Variants in SUPT3H observed in about 807,000 individuals in gnomAD.
SUPT3H encodes the protein SPT3 homolog, SAGA and STAGA complex component, also known as transcription initiation protein SPT3 homolog.
A neutral mutation model predicts 44.3 loss-of-function variants in SUPT3H; 44 were observed. That is an observed-to-expected ratio of 0.99 (90% CI 0.78 to 1.28). The LOEUF is 1.28. Among genes scored for constraint, SUPT3H ranks in the 50% most tolerant of loss-of-function variants. The probability of loss-of-function intolerance (pLI) is 0.00; values close to 1 mark genes in which losing one functional copy is unlikely to be tolerated. For missense variants in SUPT3H, 380 were observed against 387.1 expected (o/e 0.98, Z 0.15); for synonymous variants, 124 against 125.6 (o/e 0.99, Z 0.09).
At chr6:44,830,004 C>T in intron 10 of SUPT3H, 147 bp from the exon 11 acceptor site, 1 of 687,142 alleles carries the variant, frequency 1.5e-6, no homozygotes. Flanking sequence ...TTTCTGGTGG[C>T]AAAACTATAG....
intron 2 of SUPT3H, among the ~76,000 whole-genome samples, chr6:45,149,758 A>G (rs1806621980): frequency 1.3e-5 from 2 of 152,256 alleles, no homozygotes; most frequent in South Asian, 4.1e-4. Flanking sequence ...TGGACAAAAA[A>G]ACTTTAAAAA....
intron 2 of SUPT3H, chr6:45,328,578 C>A: frequency 1.3e-6 from 2 of 1,578,946 alleles, no homozygotes; most frequent in South Asian, 2.3e-5. Flanking sequence ...AATTTCTTGA[C>A]AGAAAAAAAT....
intron 10 of SUPT3H, among the ~76,000 whole-genome samples, chr6:44,834,124 G>C (rs771975888): frequency 6.6e-6 from 1 of 152,136 alleles, no homozygotes; most frequent in Non-Finnish European, 1.5e-5. Flanking sequence ...ATTAGGCTTT[G>C]GAATGTCTTA....
intron 11 of SUPT3H, among the ~76,000 whole-genome samples, chr6:44,811,362 A>G (rs1288696766): frequency 6.6e-6 from 1 of 152,218 alleles, no homozygotes; most frequent in Non-Finnish European, 1.5e-5. Flanking sequence ...AGCATGCATC[A>G]TGTTAGGTGG....
chr6:44,837,328 G>A (rs1198056449), intron 10 of SUPT3H, among the ~76,000 whole-genome samples: 1 of 152,168 alleles, frequency 6.6e-6, no homozygotes, highest in African/African-American at 2.4e-5. Flanking sequence ...ATAACCCAAT[G>A]CATGAAATAA....
intron 9 of SUPT3H, among the ~76,000 whole-genome samples, chr6:44,948,824 A>T (rs985405717): frequency 6.6e-5 from 10 of 152,184 alleles, no homozygotes; most frequent in Non-Finnish European, 1.2e-4. Flanking sequence ...ATTGTGGAAG[A>T]CAGTGTGGTG....
At chr6:45,346,570 T>TC (rs1290241029) in intron 2 of SUPT3H, among the ~76,000 whole-genome samples, 2 of 150,854 alleles carry the variant, frequency 1.3e-5, no homozygotes, top group African/African-American at 4.9e-5. Context: ...AACATTTCTT[T>TC]TTTTTTTTTT....
intron 10 of SUPT3H, among the ~76,000 whole-genome samples, chr6:44,886,819 T>C (rs535398341): frequency 2.6e-5 from 4 of 152,098 alleles, no homozygotes; most frequent in Non-Finnish European, 4.4e-5. Context: ...AGACACAGAC[T>C]GGCAAATTGG....
At chr6:45,327,747 C>T (rs1786609311) in intron 2 of SUPT3H, among the ~76,000 whole-genome samples, 1 of 147,242 alleles carries the variant, frequency 6.8e-6, no homozygotes, top group Non-Finnish European at 1.5e-5. Context: ...TTTTTTTTTA[C>T]AATGAGTTAC....
intron 2 of SUPT3H, among the ~76,000 whole-genome samples, chr6:45,341,758 C>T (rs1027649939): frequency 6.6e-6 from 1 of 152,104 alleles, no homozygotes; most frequent in Non-Finnish European, 1.5e-5. Flanking sequence ...TTCTGGTACC[C>T]TATCTGGCAA....
intron 2 of SUPT3H, among the ~76,000 whole-genome samples, chr6:45,141,375 A>G (rs71566521): frequency 6.7e-6 from 1 of 148,544 alleles, no homozygotes; most frequent in Non-Finnish European, 1.5e-5. Flanking sequence ...AAAAGAATTC[A>G]GAAGGTTGAT....
chr6:45,188,636 C>A (rs1737301744), intron 2 of SUPT3H, among the ~76,000 whole-genome samples: 1 of 152,052 alleles, frequency 6.6e-6, no homozygotes, highest in African/African-American at 2.4e-5. Flanking sequence ...ATTTGTAAAT[C>A]AATCAATGTA....
At position 45,176,639 on chromosome 6, in the gene SUPT3H, AAGAC is replaced by A. The variant is rs1476380486; in HGVS notation, c.102-70637_102-70634del. On this transcript the variant is annotated intron_variant, in intron 2 of 10. Transcript: ENST00000371459. ...TGGGGGCAGGGCACAGACAAACAAA[AAGAC>A]AGCAGTAACCTCTGCAGACTTAAAT... Among the ~76,000 whole-genome samples, 4 of 152,148 alleles carry A rather than the reference AAGAC, an allele frequency of 2.6e-5. No individual in the cohort carries two copies. The East Asian group carries it at 7.7e-4, about 29-fold the overall frequency.
At chr6:45,331,052 G>A (rs1308991385) in intron 2 of SUPT3H, among the ~76,000 whole-genome samples, 1 of 151,842 alleles carries the variant, frequency 6.6e-6, no homozygotes, top group African/African-American at 2.4e-5. Flanking sequence ...GATTTTCCTA[G>A]GTGAGGTACA....
At chr6:45,177,231 G>A (rs1018841815) in intron 2 of SUPT3H, among the ~76,000 whole-genome samples, 1 of 152,204 alleles carries the variant, frequency 6.6e-6, no homozygotes, top group Non-Finnish European at 1.5e-5. Context: ...TAAAGGAGCT[G>A]ATGGAGCTGA....
intron 3 of SUPT3H, among the ~76,000 whole-genome samples, chr6:45,056,684 C>G (rs1791182783): frequency 1.3e-5 from 2 of 152,060 alleles, no homozygotes; most frequent in Admixed American, 6.6e-5. Flanking sequence ...ACACAGTGGA[C>G]TTTGGGGACA....
At chr6:44,893,468 G>A (rs972430201) in intron 10 of SUPT3H, among the ~76,000 whole-genome samples, 6 of 151,462 alleles carry the variant, frequency 4.0e-5, no homozygotes, top group Admixed American at 1.3e-4. Context: ...ACGAATATGC[G>A]GTGTTTGGTT....
chr6:45,233,573 A>G (rs1218646061), intron 2 of SUPT3H, among the ~76,000 whole-genome samples: 1 of 152,238 alleles, frequency 6.6e-6, no homozygotes, highest in Non-Finnish European at 1.5e-5. Context: ...CTCTTTCACC[A>G]CAATATCAAG....
chr6:45,325,355 T>C (rs1012601479), intron 2 of SUPT3H, among the ~76,000 whole-genome samples: 1 of 151,868 alleles, frequency 6.6e-6, no homozygotes, highest in African/African-American at 2.4e-5. Flanking sequence ...AATAAAAAAT[T>C]ACTCAAATGG....
Sources: allele counts gnomAD v4.1 joint callset (sites outside exome capture counted in the v4.1 genomes callset), GRCh38; gene constraint gnomAD v4.1.1; transcripts MANE v1.5; gene names NCBI Gene and HGNC (gene_info 2026-07-23, HGNC 2026-07-21).